The following ARB2A variants were observed in gnomAD, a reference collection of about 807,000 sequenced individuals.
ARB2A encodes ARB2 cotranscriptional regulator A.
At chr5:94,060,097 C>A in the ARB2A span, among the ~76,000 whole-genome samples, 1 of 152,092 alleles carries the variant, frequency 6.6e-6, no homozygotes, top group South Asian at 2.1e-4. Flanking sequence ...CAGTGGCTCA[C>A]GCCTGTAATC....
chr5:93,643,389 A>G, the ARB2A span, among the ~76,000 whole-genome samples: 1 of 152,232 alleles, frequency 6.6e-6, no homozygotes, highest in South Asian at 2.1e-4. Context: ...AATAGATTAC[A>G]GAAGTCCCAA....
At chr5:93,882,574 A>G in the ARB2A span, among the ~76,000 whole-genome samples, 1 of 151,062 alleles carries the variant, frequency 6.6e-6, no homozygotes, top group African/African-American at 2.4e-5. Flanking sequence ...AAAACGTTTG[A>G]TATTTATATT....
At chr5:93,692,254 C>T in the ARB2A span, among the ~76,000 whole-genome samples, 16 of 152,024 alleles carry the variant, frequency 1.1e-4, no homozygotes, top group Non-Finnish European at 2.2e-4. Flanking sequence ...GAGTCAAGAC[C>T]CATTAGTGGG....
chr5:93,882,582 A>T, the ARB2A span, among the ~76,000 whole-genome samples: 1 of 151,044 alleles, frequency 6.6e-6, no homozygotes, highest in South Asian at 2.1e-4. Flanking sequence ...TGATATTTAT[A>T]TTATGTCTAA....
At chr5:93,636,487 C>A in the ARB2A span, among the ~76,000 whole-genome samples, 23 of 152,116 alleles carry the variant, frequency 1.5e-4, no homozygotes, top group African/African-American at 5.1e-4. Flanking sequence ...TCTCCTTCAC[C>A]CGCCTTCTTC....
At chr5:93,750,730 T>A in the ARB2A span, among the ~76,000 whole-genome samples, 7 of 152,222 alleles carry the variant, frequency 4.6e-5, no homozygotes, top group South Asian at 1.5e-3. Context: ...TCTCACTATG[T>A]TGCCCACGCT....
chr5:94,008,862 A>G, the ARB2A span, among the ~76,000 whole-genome samples: 1 of 152,092 alleles, frequency 6.6e-6, no homozygotes, highest in African/African-American at 2.4e-5. Context: ...CAATTAACCA[A>G]TTTAGCTCAC....
At chr5:93,916,435 A>T in the ARB2A span, among the ~76,000 whole-genome samples, 1 of 152,180 alleles carries the variant, frequency 6.6e-6, no homozygotes, top group Non-Finnish European at 1.5e-5. Flanking sequence ...AGTGACTAAT[A>T]TTATGTATTA....
the ARB2A span, among the ~76,000 whole-genome samples, chr5:94,001,951 G>C: frequency 6.6e-6 from 1 of 152,080 alleles, no homozygotes. Context: ...TGTGCTGGGA[G>C]GGGAATGGTT....
chr5:94,045,871 T>C, the ARB2A span, among the ~76,000 whole-genome samples: 1 of 152,218 alleles, frequency 6.6e-6, no homozygotes, highest in Admixed American at 6.5e-5. Flanking sequence ...ATGGCATTCA[T>C]CTTTAACGTT....
chr5:93,859,674 T>C, the ARB2A span, among the ~76,000 whole-genome samples: 1 of 152,102 alleles, frequency 6.6e-6, no homozygotes, highest in Non-Finnish European at 1.5e-5. Flanking sequence ...AATTCACAGA[T>C]GAGGAATCAT....
the ARB2A span, among the ~76,000 whole-genome samples, chr5:94,046,435 G>C: frequency 6.6e-6 from 1 of 152,130 alleles, no homozygotes. Flanking sequence ...GGGACAGGGA[G>C]GAGGGGGAAC....
the ARB2A span, among the ~76,000 whole-genome samples, chr5:93,965,862 TATGTATA>T: frequency 2.4e-3 from 359 of 152,234 alleles, no homozygotes; most frequent in African/African-American, 8.2e-3. Context: ...TTCTTTCTTC[TATGTATA>T]CGTATTCATT....
At chr5:93,793,917 T>C in the ARB2A span, among the ~76,000 whole-genome samples, 1 of 152,136 alleles carries the variant, frequency 6.6e-6, no homozygotes, top group Non-Finnish European at 1.5e-5. Context: ...CTAGATGGCT[T>C]GGCCTTTAAT....
chr5:93,748,283 A>G, the ARB2A span, among the ~76,000 whole-genome samples: 2 of 152,166 alleles, frequency 1.3e-5, no homozygotes. Context: ...AGGAAGAAGA[A>G]TAAAAGGAAA....
the ARB2A span, among the ~76,000 whole-genome samples, chr5:93,843,176 T>C: frequency 6.6e-6 from 1 of 152,150 alleles, no homozygotes; most frequent in Non-Finnish European, 1.5e-5. Flanking sequence ...AGCTCAAACA[T>C]AGTAAGTCCC....
chr5:94,009,721 G>A, the ARB2A span, among the ~76,000 whole-genome samples: 1 of 151,788 alleles, frequency 6.6e-6, no homozygotes, highest in Non-Finnish European at 1.5e-5. Context: ...AATATATAAC[G>A]TTATTTGGGT....
the ARB2A span, among the ~76,000 whole-genome samples, chr5:93,848,260 G>A: frequency 6.6e-6 from 1 of 152,016 alleles, no homozygotes; most frequent in African/African-American, 2.4e-5. Flanking sequence ...GTGCATGCCT[G>A]TAGTCCCAGC....
chr5:94,046,346 T>C, the ARB2A span, among the ~76,000 whole-genome samples: 1 of 152,142 alleles, frequency 6.6e-6, no homozygotes, highest in African/African-American at 2.4e-5. Context: ...TTCATCTAAC[T>C]GTGCTCCAAG....
Sources: gnomAD v4.1 joint callset for allele counts (sites outside exome capture counted in the v4.1 genomes callset) on GRCh38, gnomAD v4.1.1 for gene constraint, MANE v1.5 for transcripts, NCBI Gene and HGNC (gene_info 2026-07-23, HGNC 2026-07-21) for gene names.